Variants in PCSK2 observed in about 807,000 individuals in gnomAD.
PCSK2 encodes proprotein convertase subtilisin/kexin type 2.
In PCSK2, 14 loss-of-function variants were observed where a neutral mutation model predicts 69.7. The observed-to-expected ratio is 0.20, with a 90% CI of 0.13 to 0.31. PCSK2 has a LOEUF of 0.31. Ranked by LOEUF, PCSK2 falls within the 10% of genes least tolerant of loss-of-function variation. The pLI, the probability that PCSK2 is intolerant of heterozygous loss-of-function variation, is 1.00. For synonymous variants in PCSK2, 307 were observed against 320.7 expected, an observed-to-expected ratio of 0.96 and a Z score of 0.46; for missense variants, 544 against 842.5, an observed-to-expected ratio of 0.65 and a Z score of 4.39.
chr20:17,378,590 CGGATGGATGGATGGATGGAT>C (rs57945532), intron 5 of PCSK2, among the ~76,000 whole-genome samples: 37 of 136,302 alleles, frequency 2.7e-4, no homozygotes, highest in African/African-American at 7.5e-4. Context: ...GATGGATGGA[CGGATGGATGGATGGATGGAT>C]GGATGGATGG....
chr20:17,369,487 T>A (rs57749570), intron 5 of PCSK2, among the ~76,000 whole-genome samples: 1 of 151,954 alleles, frequency 6.6e-6, no homozygotes, highest in East Asian at 1.9e-4. Flanking sequence ...TACACACACA[T>A]GCATAAGCAC....
At chr20:17,287,051 GCGGACCATA>G (rs1415961835) in intron 2 of PCSK2, among the ~76,000 whole-genome samples, 2 of 152,164 alleles carry the variant, frequency 1.3e-5, no homozygotes, top group African/African-American at 4.8e-5. Flanking sequence ...TCTTCCTTAA[GCGGACCATA>G]GTCTTTTCTC....
At chr20:17,369,782 G>A (rs978717138) in intron 5 of PCSK2, among the ~76,000 whole-genome samples, 3 of 152,324 alleles carry the variant, frequency 2.0e-5, no homozygotes, top group Non-Finnish European at 4.4e-5. Flanking sequence ...ATTGAAGGGT[G>A]GAAATGAGCC....
intron 2 of PCSK2, among the ~76,000 whole-genome samples, chr20:17,269,440 G>A (rs181591104): frequency 1.2e-4 from 18 of 152,244 alleles, no homozygotes; most frequent in African/African-American, 4.1e-4. Flanking sequence ...GTTCTAGCTC[G>A]TCTACATTTT....
intron 6 of PCSK2, among the ~76,000 whole-genome samples, chr20:17,414,565 T>A (rs1291458477): frequency 1.3e-5 from 2 of 151,996 alleles, no homozygotes; most frequent in East Asian, 3.9e-4. Flanking sequence ...CCAAAAAAAG[T>A]CCAGGACCAG....
At chr20:17,236,568 T>C (rs1986346065) in intron 1 of PCSK2, among the ~76,000 whole-genome samples, 1 of 152,204 alleles carries the variant, frequency 6.6e-6, no homozygotes, top group Non-Finnish European at 1.5e-5. Flanking sequence ...TTGTGTTACA[T>C]ATAAATATTA....
intron 2 of PCSK2, among the ~76,000 whole-genome samples, chr20:17,261,186 GA>G: frequency 6.6e-6 from 1 of 152,302 alleles, no homozygotes; most frequent in South Asian, 2.1e-4. Flanking sequence ...CACTAGGAAG[GA>G]AAGTATGTAA....
chr20:17,376,647 A>G (rs2030936809), intron 5 of PCSK2, among the ~76,000 whole-genome samples: 1 of 152,210 alleles, frequency 6.6e-6, no homozygotes, highest in Admixed American at 6.5e-5. Context: ...CAAGATTCTG[A>G]TGGTTAACCT....
At chr20:17,362,426 T>G (rs2195111) in intron 4 of PCSK2, among the ~76,000 whole-genome samples, 143,810 of 152,272 alleles carry the variant, frequency 0.94, 68,013 homozygotes, top group African/African-American at 0.99. Flanking sequence ...CTGGAGTTCA[T>G]CTGGGCAGTT....
At chr20:17,311,001 CA>C (rs113825389) in intron 2 of PCSK2, among the ~76,000 whole-genome samples, 18,376 of 112,252 alleles carry the variant, frequency 0.16, 1,167 homozygotes, top group Middle Eastern at 0.24. Context: ...GACTCCGTCT[CA>C]AAAAAAAAAA....
At chr20:17,353,157 T>C (rs1023239484) in intron 2 of PCSK2, among the ~76,000 whole-genome samples, 7 of 152,220 alleles carry the variant, frequency 4.6e-5, no homozygotes, top group Middle Eastern at 3.4e-3. Context: ...ACAGTCAGAA[T>C]TGCTGATTAA....
chr20:17,362,845 C>T (rs1296698643), intron 4 of PCSK2, among the ~76,000 whole-genome samples: 1 of 152,214 alleles, frequency 6.6e-6, no homozygotes, highest in Non-Finnish European at 1.5e-5. Flanking sequence ...TCCAAGTTCA[C>T]TGTTGAATAG....
At chr20:17,430,601 T>C (rs978083611) in intron 7 of PCSK2, among the ~76,000 whole-genome samples, 5 of 152,188 alleles carry the variant, frequency 3.3e-5, no homozygotes, top group Non-Finnish European at 7.3e-5. Flanking sequence ...GTTTCTAAAA[T>C]GTAAATAGAG....
At chr20:17,446,675 C>T (rs1373053702) in intron 8 of PCSK2, among the ~76,000 whole-genome samples, 1 of 152,086 alleles carries the variant, frequency 6.6e-6, no homozygotes, top group Non-Finnish European at 1.5e-5. Flanking sequence ...ATAAAATTTG[C>T]CAAAGATGTT....
chr20:17,259,675 G>A (rs952406703), intron 1 of PCSK2, among the ~76,000 whole-genome samples: 32 of 152,170 alleles, frequency 2.1e-4, no homozygotes, highest in African/African-American at 7.5e-4. Context: ...AGATAGGAAG[G>A]TAGAGGGAAA....
chr20:17,309,296 G>T (rs1254061786), intron 2 of PCSK2, among the ~76,000 whole-genome samples: 1 of 152,206 alleles, frequency 6.6e-6, no homozygotes, highest in Non-Finnish European at 1.5e-5. Flanking sequence ...CAATTGATGA[G>T]CTGGGAGAGA....
intron 2 of PCSK2, among the ~76,000 whole-genome samples, chr20:17,297,180 T>C (rs1988922731): frequency 6.6e-6 from 1 of 152,054 alleles, no homozygotes; most frequent in Non-Finnish European, 1.5e-5. Flanking sequence ...ATTAGAGAAA[T>C]AGCAAAGAGT....
intron 5 of PCSK2, among the ~76,000 whole-genome samples, chr20:17,384,868 C>A (rs555640519): frequency 1.3e-5 from 2 of 152,058 alleles, no homozygotes; most frequent in Non-Finnish European, 2.9e-5. Flanking sequence ...GTCGAAGCTA[C>A]GGTGAGCCAC....
chr20:17,481,944 C>A lies in PCSK2; in HGVS notation c.1791C>A (p.Ala597=). 3.1e-6 allele frequency: 5 copies of A among 1,613,500 alleles called. No individual in the cohort carries two copies. The highest frequency in any genetic ancestry group is 4.2e-6 in the Non-Finnish European group (5 of 1,179,956). ...TGATGCTGCATGGCACTCAGAGTGC[C>A]CCGTACATCGACCAGGTGGTGCGGG... ...WTLMLHGTQS[A]PYIDQVVRDY... The change falls in exon 12 of 12, where the codon GCC becomes GCA. Residue 597 remains alanine, a synonymous_variant. Coordinates refer to ENST00000262545, the MANE Select transcript of PCSK2 (RefSeq NM_002594.5).
Sources: gnomAD v4.1 joint callset for allele counts (sites outside exome capture counted in the v4.1 genomes callset) on GRCh38, gnomAD v4.1.1 for gene constraint, MANE v1.5 for transcripts, NCBI Gene and HGNC (gene_info 2026-07-23, HGNC 2026-07-21) for gene names.